Variants in LSAMP observed in about 807,000 individuals in gnomAD.
LSAMP encodes the protein limbic system associated membrane protein.
In LSAMP, 7 loss-of-function variants were observed where a neutral mutation model predicts 38.6. The observed-to-expected ratio is 0.18, with a 90% CI of 0.10 to 0.34. The LOEUF (loss-of-function observed/expected upper bound fraction) is 0.34. Among genes scored for constraint, LSAMP ranks in the 10% least tolerant of loss-of-function variants. LSAMP has a pLI of 1.00. For synonymous variants in LSAMP, 154 were observed against 166.8 expected (o/e 0.92, Z 0.59); for missense variants, 313 against 420.0 (o/e 0.75, Z 2.23).
At chr3:116,044,344 G>T (rs1467229335) in intron 2 of LSAMP, among the ~76,000 whole-genome samples, 2 of 152,014 alleles carry the variant, frequency 1.3e-5, no homozygotes, top group Non-Finnish European at 2.9e-5. Flanking sequence ...TTGTTTGTTT[G>T]TGTAATTCTT....
At chr3:115,958,657 T>C (rs577549358) in intron 3 of LSAMP, among the ~76,000 whole-genome samples, 6 of 152,136 alleles carry the variant, frequency 3.9e-5, no homozygotes, top group Non-Finnish European at 8.8e-5. Context: ...CCCCACTGCC[T>C]CTGACTCAGT....
At chr3:115,988,587 C>G (rs11706635) in intron 3 of LSAMP, among the ~76,000 whole-genome samples, 4,244 of 152,198 alleles carry the variant, frequency 0.028, 74 homozygotes, top group Non-Finnish European at 0.042. Context: ...CAGGTACACA[C>G]CATTGCGACT....
chr3:116,050,241 GCT>G (rs1490674103), intron 2 of LSAMP, among the ~76,000 whole-genome samples: 3 of 152,068 alleles, frequency 2.0e-5, no homozygotes, highest in African/African-American at 7.2e-5. Flanking sequence ...TGCACACAGT[GCT>G]CTGTTTCTCT....
At chr3:115,837,408 TG>T (rs2107495209) in intron 6 of LSAMP, among the ~76,000 whole-genome samples, 1 of 152,146 alleles carries the variant, frequency 6.6e-6, no homozygotes, top group South Asian at 2.1e-4. Flanking sequence ...CTTTAATGTG[TG>T]GGAATATTCT....
chr3:116,168,419 C>T (rs552019945), intron 1 of LSAMP, among the ~76,000 whole-genome samples: 1 of 152,152 alleles, frequency 6.6e-6, no homozygotes, highest in South Asian at 2.1e-4. Context: ...CCAATCAATC[C>T]ACCCCTTGTC....
chr3:116,124,709 T>C (rs1443337899), intron 1 of LSAMP, among the ~76,000 whole-genome samples: 8 of 152,114 alleles, frequency 5.3e-5, no homozygotes, highest in Admixed American at 3.3e-4. Context: ...CTGCAGAATA[T>C]GTGGAATTAA....
At chr3:115,823,296 CTG>C (rs1397203963) in intron 6 of LSAMP, among the ~76,000 whole-genome samples, 2 of 152,232 alleles carry the variant, frequency 1.3e-5, no homozygotes, top group Non-Finnish European at 2.9e-5. Flanking sequence ...GTGCACATCA[CTG>C]TGGAGAGCAC....
intron 1 of LSAMP, among the ~76,000 whole-genome samples, chr3:116,186,420 T>C (rs570974179): frequency 6.6e-6 from 1 of 152,246 alleles, no homozygotes; most frequent in East Asian, 1.9e-4. Flanking sequence ...ACATTTTTAG[T>C]TTCTGCTGGG....
At chr3:116,247,077 G>C (rs2046614358) in intron 1 of LSAMP, among the ~76,000 whole-genome samples, 2 of 152,078 alleles carry the variant, frequency 1.3e-5, no homozygotes. Context: ...AGAACAGTAT[G>C]GTATTAATAA....
chr3:115,834,461 G>A, intron 6 of LSAMP: 1 of 901,566 alleles, frequency 1.1e-6, no homozygotes, highest in Non-Finnish European at 1.6e-6. Flanking sequence ...TATTGTATGT[G>A]AATTTTTTGA....
chr3:116,066,203 T>C (rs1280279591), intron 2 of LSAMP, among the ~76,000 whole-genome samples: 1 of 152,172 alleles, frequency 6.6e-6, no homozygotes, highest in Non-Finnish European at 1.5e-5. Context: ...GAAAGGGACC[T>C]CTCTGGGGCC....
chr3:115,880,365 A>G (rs928181134), intron 3 of LSAMP, among the ~76,000 whole-genome samples: 3 of 152,060 alleles, frequency 2.0e-5, no homozygotes, highest in African/African-American at 7.2e-5. Flanking sequence ...ATATTGTTCC[A>G]TTTTTCCTTT....
At chr3:115,996,846 G>A (rs2107651310) in intron 3 of LSAMP, among the ~76,000 whole-genome samples, 1 of 152,248 alleles carries the variant, frequency 6.6e-6, no homozygotes, top group Non-Finnish European at 1.5e-5. Flanking sequence ...GGGTAAGGAT[G>A]GATTGGATCC....
At chr3:116,283,088 AGTAAGTAAG>A (rs1186027409) in intron 1 of LSAMP, among the ~76,000 whole-genome samples, 1 of 152,122 alleles carries the variant, frequency 6.6e-6, no homozygotes, top group Non-Finnish European at 1.5e-5. Context: ...CAGCTGTAAC[AGTAAGTAAG>A]GTAAAACGTT....
chr3:116,090,636 C>T (rs976182688), intron 1 of LSAMP, among the ~76,000 whole-genome samples: 2 of 152,094 alleles, frequency 1.3e-5, no homozygotes, highest in Non-Finnish European at 2.9e-5. Context: ...TCCTAAGCGT[C>T]GGCTGGCTTG....
intron 1 of LSAMP, among the ~76,000 whole-genome samples, chr3:116,166,614 A>AT (rs1213426694): frequency 6.6e-6 from 1 of 152,074 alleles, no homozygotes; most frequent in African/African-American, 2.4e-5. Context: ...ATATGTATGC[A>AT]TTTTTTATAA....
chr3:116,216,102 C>T (rs909495841), intron 1 of LSAMP, among the ~76,000 whole-genome samples: 5 of 152,132 alleles, frequency 3.3e-5, no homozygotes, highest in African/African-American at 1.2e-4. Flanking sequence ...CAGTGTGATT[C>T]ATGATTTCAT....
At chr3:116,391,939 C>A (rs1033033829) in intron 1 of LSAMP, among the ~76,000 whole-genome samples, 2 of 152,174 alleles carry the variant, frequency 1.3e-5, no homozygotes, top group African/African-American at 4.8e-5. Flanking sequence ...GACTGCCAAC[C>A]CTGACACTCC....
chr3:116,222,219 G>C (rs2046293603), intron 1 of LSAMP, among the ~76,000 whole-genome samples: 1 of 150,356 alleles, frequency 6.7e-6, no homozygotes, highest in African/African-American at 2.5e-5. Flanking sequence ...GGATTCCTAA[G>C]ACTTCTGGCT....
Sources: gnomAD v4.1 joint callset for allele counts (sites outside exome capture counted in the v4.1 genomes callset) on GRCh38, gnomAD v4.1.1 for gene constraint, MANE v1.5 for transcripts, NCBI Gene and HGNC (gene_info 2026-07-23, HGNC 2026-07-21) for gene names.